PRKN: variants seen among roughly 807,000 people sequenced by gnomAD.
PRKN encodes the protein parkin RBR E3 ubiquitin protein ligase.
Under a neutral mutation model 59.5 loss-of-function variants are expected in PRKN, and 56 were observed. The ratio of observed to expected loss-of-function variants is 0.94; its 90% CI spans 0.76 to 1.18. The LOEUF (loss-of-function observed/expected upper bound fraction) is 1.18, where lower values mean the gene tolerates loss of function less well. PRKN is among the 50% of genes most tolerant of loss of function. The pLI is 0.00. For missense variants in PRKN, 657 were observed against 596.4 expected, an observed-to-expected ratio of 1.10 and a Z score of -1.06; for synonymous variants, 250 against 222.1, an observed-to-expected ratio of 1.13 and a Z score of -1.12.
At chr6:162,610,533 C>T (rs533572678) in intron 1 of PRKN, among the ~76,000 whole-genome samples, 6 of 152,120 alleles carry the variant, frequency 3.9e-5, no homozygotes, top group Admixed American at 6.5e-5. Context: ...ACCATTTATA[C>T]ACAAATGAAG....
intron 6 of PRKN, among the ~76,000 whole-genome samples, chr6:161,860,065 A>G (rs1341031102): frequency 6.6e-6 from 1 of 152,152 alleles, no homozygotes; most frequent in African/African-American, 2.4e-5. Flanking sequence ...CAAGGTCACA[A>G]ATCAAAGTCT....
At chr6:162,018,720 C>T (rs932674401) in intron 5 of PRKN, among the ~76,000 whole-genome samples, 1 of 152,106 alleles carries the variant, frequency 6.6e-6, no homozygotes, top group African/African-American at 2.4e-5. Context: ...ACTTAGGATG[C>T]TTTTTTGTCC....
chr6:161,692,816 C>T (rs764729117), intron 7 of PRKN, among the ~76,000 whole-genome samples: 37 of 152,018 alleles, frequency 2.4e-4, no homozygotes, highest in South Asian at 4.2e-4. Context: ...GGCATGGTAG[C>T]GCACACCTGT....
Position 162,320,420 on chromosome 6 carries a change from A to G in PRKN, c.172-57655T>C, listed in dbSNP as rs199586829. Among the ~76,000 whole-genome samples the G allele has an allele frequency of 1.8e-4, 13 of 70,884 alleles. 1 individual carries two copies. The highest frequency in any genetic ancestry group is 1.2e-3 in the African/African-American group (10 of 8,230). The allele number at this position is 70,884 out of a possible 152,430, so 46.5% of individuals were successfully genotyped here. A position where few individuals can be genotyped will look rare whatever the true frequency, so the allele number is the denominator to read the frequency against. On this transcript the variant is annotated intron_variant, in intron 2 of 11. Coordinates refer to ENST00000366898, the MANE Select transcript of PRKN (RefSeq NM_004562.3). The stretch of plus-strand genomic sequence containing the variant: ...TAAGATCAAACAAGCAAAAAAAACC[A>G]AAAAAAAAAAAAACCCCACAAAATT...
chr6:161,573,788 A>ATG (rs1781023722), intron 7 of PRKN, among the ~76,000 whole-genome samples: 1 of 108,214 alleles, frequency 9.2e-6, no homozygotes, highest in African/African-American at 3.6e-5. Context: ...ATATATATAT[A>ATG]TATATATAAA....
At chr6:162,294,863 G>C (rs895756576) in intron 2 of PRKN, among the ~76,000 whole-genome samples, 43 of 152,304 alleles carry the variant, frequency 2.8e-4, no homozygotes, top group African/African-American at 8.9e-4. Flanking sequence ...GTTCCATCTA[G>C]AGACTACTGA....
In PRKN at chr6:161,795,541, T is replaced by C. The variant is rs1313249864; in HGVS notation, c.735-9633A>G. Among the ~76,000 whole-genome samples, 5 of 152,292 alleles carry C rather than the reference T, an allele frequency of 3.3e-5. No homozygotes were observed. The South Asian group carries it at 8.3e-4, about 25-fold the overall frequency. ...GCCACCGAGTCCAGCCTCCTTTGTA[T>C]TGTTTTCTACCTGCTTTATGAACCT... On this transcript the variant is annotated intron_variant, in intron 6 of 11. Coordinates refer to ENST00000366898, the MANE Select transcript of PRKN (RefSeq NM_004562.3).
intron 1 of PRKN, among the ~76,000 whole-genome samples, chr6:162,567,684 T>C (rs575151894): frequency 3.3e-5 from 5 of 152,292 alleles, no homozygotes; most frequent in South Asian, 2.1e-4. Flanking sequence ...AAAATGTCCA[T>C]ACTACACAAA....
intron 3 of PRKN, among the ~76,000 whole-genome samples, chr6:162,262,087 AT>A (rs1309531253): frequency 2.0e-5 from 3 of 152,304 alleles, no homozygotes; most frequent in African/African-American, 7.2e-5. Flanking sequence ...GCACATATTA[AT>A]TTTTTTAAAA....
intron 7 of PRKN, among the ~76,000 whole-genome samples, chr6:161,777,068 T>C (rs967904425): frequency 1.3e-5 from 2 of 152,176 alleles, no homozygotes; most frequent in Non-Finnish European, 2.9e-5. Flanking sequence ...TCTGGCTTTG[T>C]ACACCAGCAT....
At chr6:161,492,627 G>A (rs979814984) in intron 9 of PRKN, among the ~76,000 whole-genome samples, 1 of 152,212 alleles carries the variant, frequency 6.6e-6, no homozygotes, top group Non-Finnish European at 1.5e-5. Flanking sequence ...ACCTTGGCAA[G>A]TCAGTGTTTT....
At position 161,388,288 on chromosome 6, in the gene PRKN, C is replaced by G. The variant is rs192037831; in HGVS notation, c.1084-1411G>C. Among the ~76,000 whole-genome samples, 3 of 152,334 alleles carry G rather than the reference C, an allele frequency of 2.0e-5. No individual in the cohort carries two copies. Among genetic ancestry groups the G allele is most frequent in the Admixed American group, 2.0e-4 (3 of 15,304 alleles). ...GGGAGAGGTAGTGAGATAGCACATG[C>G]TGAGTGGCTACAATCACAGCATACA... On this transcript the variant is annotated intron_variant, in intron 9 of 11. Coordinates refer to ENST00000366898, the MANE Select transcript of PRKN (RefSeq NM_004562.3). This position sits in a 1 kb window ranked among gnomAD's most constrained non-coding sequence, Gnocchi z 4.3.
intron 6 of PRKN, among the ~76,000 whole-genome samples, chr6:161,965,245 T>G (rs1249979916): frequency 1.3e-5 from 2 of 152,074 alleles, no homozygotes; most frequent in Non-Finnish European, 2.9e-5. Flanking sequence ...TAGGACAAAT[T>G]TGAAGGCAAT....
chr6:162,057,083 C>A (rs920276103), intron 4 of PRKN, among the ~76,000 whole-genome samples: 1 of 151,988 alleles, frequency 6.6e-6, no homozygotes, highest in Non-Finnish European at 1.5e-5. Context: ...TCTTGGGGGC[C>A]CAGGACATGA....
intron 6 of PRKN, among the ~76,000 whole-genome samples, chr6:161,924,811 C>T (rs996873406): frequency 1.3e-5 from 2 of 152,140 alleles, no homozygotes; most frequent in Admixed American, 6.6e-5. Context: ...ATTCAACATT[C>T]GATTTGCTTT....
At chr6:161,977,548 T>TG (rs1453417688) in intron 5 of PRKN, among the ~76,000 whole-genome samples, 6 of 145,762 alleles carry the variant, frequency 4.1e-5, no homozygotes, top group Non-Finnish European at 7.5e-5. Context: ...TTTGGTTTTT[T>TG]TTTTTTTTTT....
chr6:162,541,613 T>C (rs1420164530), intron 1 of PRKN, among the ~76,000 whole-genome samples: 3 of 152,174 alleles, frequency 2.0e-5, no homozygotes, highest in Non-Finnish European at 4.4e-5. Flanking sequence ...AGTTTGCAGG[T>C]AGTTCAGCTG....
At position 162,163,419 on chromosome 6, in the gene PRKN, T is replaced by C. The variant is rs538476212; in HGVS notation, c.534+37712A>G. ...ATCTGTATAGCATGCTGCTTTCTTT[T>C]AGCTGAAATAACATTTAAAATTCAT... On this transcript the variant is annotated intron_variant, in intron 4 of 11. Coordinates refer to ENST00000366898, the MANE Select transcript of PRKN (RefSeq NM_004562.3). 1.3e-5 allele frequency among the ~76,000 whole-genome samples: 2 copies of C among 149,522 alleles called. 1 individual carries two copies. The highest frequency in any genetic ancestry group is 3.9e-4 in the East Asian group (2 of 5,178).
rs1785673410 is a variant in PRKN, at chr6:162,370,170, GCT to G, written c.171+73138_171+73139del. On this transcript the variant is annotated intron_variant, in intron 2 of 11. Coordinates refer to ENST00000366898, the MANE Select transcript of PRKN (RefSeq NM_004562.3). The stretch of plus-strand genomic sequence containing the variant: ...TCTTTCCTTTTTGATGTGATCGTCA[GCT>G]CTTGACTGCATCTCGTTTTCTCATG... 3.3e-5 allele frequency among the ~76,000 whole-genome samples: 5 copies of G among 152,148 alleles called. No individual in the cohort carries two copies. The South Asian group carries it at 1.0e-3, about 32-fold the overall frequency.
Sources: gnomAD v4.1 joint callset for allele counts (sites outside exome capture counted in the v4.1 genomes callset) on GRCh38, gnomAD v4.1.1 for gene constraint, Gnocchi (gnomAD v3.1) non-coding constraint, MANE v1.5 for transcripts, NCBI Gene and HGNC (gene_info 2026-07-23, HGNC 2026-07-21) for gene names.